NCEH1: variants seen among roughly 807,000 people sequenced by gnomAD.
The protein encoded by NCEH1 is 2-acetyl MAGE hydrolase.
A neutral mutation model predicts 25.4 loss-of-function variants in NCEH1; 9 were observed. The observed-to-expected ratio is 0.35, with a 90% confidence interval of 0.21 to 0.62. NCEH1 has a LOEUF of 0.62. Ranked by LOEUF, NCEH1 falls within the 20% of genes least tolerant of loss-of-function variation. The pLI is 0.72. For missense variants in NCEH1, 412 were observed against 501.1 expected, an observed-to-expected ratio of 0.82 and a Z score of 1.70; for synonymous variants, 200 against 199.8, an observed-to-expected ratio of 1.00 and a Z score of -0.01.
chr3:172,697,692 C>G (rs1713449128), intron 1 of NCEH1, among the ~76,000 whole-genome samples: 1 of 152,116 alleles, frequency 6.6e-6, no homozygotes, highest in African/African-American at 2.4e-5. Context: ...AAGGGGAAGA[C>G]AGAAGATTGA....
intron 1 of NCEH1, among the ~76,000 whole-genome samples, chr3:172,689,926 C>CG (rs1441104593): frequency 7.2e-6 from 1 of 138,758 alleles, no homozygotes; most frequent in East Asian, 2.0e-4. Context: ...TTTTTTGAGA[C>CG]GGAGTCTCAC....
intron 1 of NCEH1, among the ~76,000 whole-genome samples, chr3:172,666,106 G>C (rs1015127424): frequency 3.3e-5 from 5 of 152,196 alleles, no homozygotes; most frequent in African/African-American, 1.2e-4. Flanking sequence ...TTCTATTCTT[G>C]GAACCCAAGC....
chr3:172,665,086 T>C (rs923613066), intron 1 of NCEH1, among the ~76,000 whole-genome samples: 4 of 152,216 alleles, frequency 2.6e-5, no homozygotes, highest in African/African-American at 9.6e-5. Context: ...TTTCTCCCCA[T>C]CTTTGTGATT....
At chr3:172,649,631 G>A (rs893165883) in intron 1 of NCEH1, among the ~76,000 whole-genome samples, 2 of 152,204 alleles carry the variant, frequency 1.3e-5, no homozygotes, top group African/African-American at 4.8e-5. Context: ...ATTACCATTC[G>A]AGTTTTGTGG....
intron 3 of NCEH1, among the ~76,000 whole-genome samples, chr3:172,638,096 C>T (rs1716676693): frequency 6.6e-6 from 1 of 151,972 alleles, no homozygotes; most frequent in South Asian, 2.1e-4. Flanking sequence ...TAGATAAAAT[C>T]AAATGGACAA....
rs140031037 is a variant in NCEH1 at position 172,630,630 on chromosome 3, A to G, written c.*2845T>C. ...CACTGTTTTCAAATGGGAAACAGAA[A>G]ATGAGACGGGAAAATGAAAGCACAT... On this transcript the variant is annotated 3_prime_UTR_variant, in exon 5 of 5. Transcript: ENST00000475381. The G allele has an allele frequency of 5.2e-5, 8 of 152,384 alleles. No individual in the cohort carries two copies. In the East Asian group the frequency reaches 1.5e-3, roughly 29 times the overall value. The allele number at this position is 152,384 out of a possible 1,614,324, so 9.4% of individuals were successfully genotyped here.
At chr3:172,657,964 C>G (rs1217483366) in intron 1 of NCEH1, among the ~76,000 whole-genome samples, 1 of 152,192 alleles carries the variant, frequency 6.6e-6, no homozygotes, top group Admixed American at 6.5e-5. Context: ...CCCAGAGCAT[C>G]TCTGTCTTGA....
intron 4 of NCEH1, 73 bp from the exon 5 acceptor site, chr3:172,634,165 A>AACACATGAAGCTACTCTACAG: frequency 7.1e-7 from 1 of 1,399,248 alleles, no homozygotes; most frequent in Non-Finnish European, 9.8e-7. Flanking sequence ...CCTGTAGAGT[A>AACACATGAAGCTACTCTACAG]GCTTCATGTG....
At chr3:172,647,122 A>AG (rs1717153563) in intron 2 of NCEH1, among the ~76,000 whole-genome samples, 1 of 152,200 alleles carries the variant, frequency 6.6e-6, no homozygotes, top group Non-Finnish European at 1.5e-5. Flanking sequence ...TTAAAAAAAA[A>AG]TCACATAATG....
chr3:172,693,207 A>G (rs1036270246), intron 1 of NCEH1, among the ~76,000 whole-genome samples: 3 of 152,338 alleles, frequency 2.0e-5, no homozygotes, highest in Middle Eastern at 3.4e-3. Flanking sequence ...GTCTGCTGAA[A>G]ATATGCTGGC....
chr3:172,685,235 G>A (rs1219914335), intron 1 of NCEH1, among the ~76,000 whole-genome samples: 7 of 150,518 alleles, frequency 4.7e-5, no homozygotes, highest in Admixed American at 1.3e-4. Flanking sequence ...CAGAGGCTGC[G>A]GTGAGGACAC....
intron 1 of NCEH1, among the ~76,000 whole-genome samples, chr3:172,661,763 C>T (rs1010569170): frequency 1.4e-5 from 2 of 138,174 alleles, no homozygotes; most frequent in African/African-American, 2.5e-5. Flanking sequence ...TCATGATTTG[C>T]CTCTCTGTTT....
At chr3:172,641,300 T>C (rs1428147193) in intron 3 of NCEH1, among the ~76,000 whole-genome samples, 1 of 152,220 alleles carries the variant, frequency 6.6e-6, no homozygotes, top group Non-Finnish European at 1.5e-5. Context: ...AGTATAGCGT[T>C]GTAGAAGCTA....
chr3:172,688,198 T>G (rs367959519), intron 1 of NCEH1, among the ~76,000 whole-genome samples: 31 of 151,700 alleles, frequency 2.0e-4, no homozygotes, highest in African/African-American at 7.3e-4. Flanking sequence ...AGCGTGGTGG[T>G]GGGTGCCTGT....
At chr3:172,653,752 G>GTTTTTTTTTTTTTTTTT (rs375874414) in intron 1 of NCEH1, among the ~76,000 whole-genome samples, 1 of 83,840 alleles carries the variant, frequency 1.2e-5, no homozygotes, top group African/African-American at 4.2e-5. Context: ...TTGTTTTTTT[G>GTTTTTTTTTTTTTTTTT]TTTTTTTGTT....
Position 172,642,362 on chromosome 3 carries a change from G to C in NCEH1, c.437+3261C>G, listed in dbSNP as rs927226310. Among the ~76,000 whole-genome samples the C allele has an allele frequency of 4.0e-5, 6 of 151,822 alleles. No homozygotes were observed. In the East Asian group the frequency reaches 1.2e-3, roughly 29 times the overall value. On this transcript the variant is annotated intron_variant, in intron 3 of 4. Coordinates refer to ENST00000475381, the MANE Select transcript of NCEH1 (RefSeq NM_020792.6). The stretch of plus-strand genomic sequence containing the variant: ...CTAATTGTTTTTTAACTTTTTGTAA[G>C]ACAGGGTTTTGCCATATTGTCCAGG...
chr3:172,667,216 G>A (rs1718255861), intron 1 of NCEH1, among the ~76,000 whole-genome samples: 1 of 152,138 alleles, frequency 6.6e-6, no homozygotes, highest in Non-Finnish European at 1.5e-5. Flanking sequence ...ACGGCCATTC[G>A]GTTCCTATGT....
At chr3:172,637,511 G>C (rs1210875413) in intron 3 of NCEH1, among the ~76,000 whole-genome samples, 1 of 152,150 alleles carries the variant, frequency 6.6e-6, no homozygotes, top group Non-Finnish European at 1.5e-5. Flanking sequence ...CCAGCACTTT[G>C]GGAGGCTGAG....
In NCEH1 at chr3:172,632,600, A is replaced by T. The variant is rs1404278229; in HGVS notation, c.*875T>A. On this transcript the variant is annotated 3_prime_UTR_variant, in exon 5 of 5. Coordinates refer to ENST00000475381, the MANE Select transcript of NCEH1 (RefSeq NM_020792.6). ...TTTTGACTATGCCAAGTATATTCAC[A>T]CTGCTCTTGGTACTTTATGTCAGAA... 5 of 152,418 alleles carry T rather than the reference A, an allele frequency of 3.3e-5. No individual in the cohort carries two copies. Among genetic ancestry groups the T allele is most frequent in the Admixed American group, 6.5e-5 (1 of 15,278 alleles). 9.4% of individuals were successfully genotyped at this position (152,418 alleles called of 1,614,324 possible). A position where few individuals can be genotyped will look rare whatever the true frequency, so the allele number is the denominator to read the frequency against.
Sources: gnomAD v4.1 joint callset for allele counts (sites outside exome capture counted in the v4.1 genomes callset) on GRCh38, gnomAD v4.1.1 for gene constraint, MANE v1.5 for transcripts, NCBI Gene and HGNC (gene_info 2026-07-23, HGNC 2026-07-21) for gene names.